Variants in TGM1 observed in about 807,000 individuals in gnomAD.
TGM1 encodes protein-glutamine gamma-glutamyltransferase K.
TGM1 carries 63 observed loss-of-function variants against 88.7 expected under a neutral mutation model. The ratio of observed to expected loss-of-function variants is 0.71; its 90% CI spans 0.58 to 0.88. The LOEUF (loss-of-function observed/expected upper bound fraction) is 0.88, where lower values mean the gene tolerates loss of function less well. Ranked by LOEUF, TGM1 falls within the 40% of genes least tolerant of loss-of-function variation. The pLI, the probability that TGM1 is intolerant of heterozygous loss-of-function variation, is 0.00. For missense variants in TGM1, 996 were observed against 1,118.0 expected (o/e 0.89, Z 1.56); for synonymous variants, 415 against 431.1 (o/e 0.96, Z 0.46).
chr14:24,261,031 C>T (rs2748517), intron 3 of TGM1, among the ~76,000 whole-genome samples: 4 of 152,170 alleles, frequency 2.6e-5, no homozygotes, highest in Non-Finnish European at 5.9e-5. Context: ...CCACCTGCCC[C>T]GTATGAAAGG....
intron 3 of TGM1, among the ~76,000 whole-genome samples, chr14:24,261,427 G>A (rs1213188991): frequency 6.6e-6 from 1 of 152,168 alleles, no homozygotes; most frequent in Admixed American, 6.5e-5. Flanking sequence ...CAGCAATGCC[G>A]AAGGAGGCAC....
chr14:24,250,179 T>TGTGTGTGTGTGTGTGTGAGA lies in TGM1; in HGVS notation c.2226-639_2226-638insTCTCACACACACACACACAC, dbSNP rs138497842. 8.7e-4 allele frequency among the ~76,000 whole-genome samples: 122 copies of TGTGTGTGTGTGTGTGTGAGA among 140,796 alleles called. No homozygotes were observed. In the East Asian group the frequency reaches 0.021, roughly 24 times the overall value. 92.4% of individuals were successfully genotyped at this position (140,796 alleles called of 152,430 possible). ...GTGTGTGTGTGTGTGTGTGTGTGTGTGAGAGAGACAGAGAGGTGGGTGGAC... is the reference window on the plus strand; with the variant it reads ...GTGTGTGTGTGTGTGTGTGTGTGTGTGTGTGTGTGTGTGTGTGAGAGAGAGAGACAGAGAGGTGGGTGGAC... On this transcript the variant is annotated intron_variant, in intron 14 of 14. Coordinates refer to ENST00000206765, the MANE Select transcript of TGM1 (RefSeq NM_000359.3).
chr14:24,251,334 A>C (rs1380983154), intron 14 of TGM1, among the ~76,000 whole-genome samples: 1 of 152,226 alleles, frequency 6.6e-6, no homozygotes. Flanking sequence ...TCAAGCTCAG[A>C]CCAGCCCTCA....
In TGM1 at chr14:24,255,256, G is replaced by A; in HGVS notation, c.1646-3C>T. ...TGCCTTCCGCTCTGCGTCTGAGCCTGGGGGTTGAGGGTCAAGGGTGAGGTT... is the reference window on the plus strand; with the variant it reads ...TGCCTTCCGCTCTGCGTCTGAGCCTAGGGGTTGAGGGTCAAGGGTGAGGTT... On this transcript the variant is annotated splice_region_variant and splice_polypyrimidine_tract_variant and intron_variant, in intron 11 of 14. Transcript: ENST00000206765. This position sits in a 1 kb window ranked among gnomAD's most constrained non-coding sequence, Gnocchi z 4.0. 6.2e-7 allele frequency: 1 copy of A among 1,613,808 alleles called. No individual in the cohort carries two copies.
At chr14:24,250,772 A>G (rs1392116668) in intron 14 of TGM1, among the ~76,000 whole-genome samples, 1 of 152,152 alleles carries the variant, frequency 6.6e-6, no homozygotes, top group Non-Finnish European at 1.5e-5. Context: ...TATACACTGA[A>G]CATGACTGCA....
chr14:24,255,373 G>A lies in TGM1; in HGVS notation c.1636C>T (p.His546Tyr), dbSNP rs771840484. Residue 546 changes from histidine (H) to tyrosine (Y), a missense_variant, in exon 11 of 15, where the codon CAC becomes TAC. Transcript: ENST00000206765. The surrounding 1 kb of genome is among the most constrained non-coding windows in gnomAD (Gnocchi z 4.0). Reference sequence around the variant, plus strand: ...GTTGGGGGAATGGTACCTTCTGGGTGCTTATAGAGGTAGGTGATGTCCTCC... The same window carrying A: ...GTTGGGGGAATGGTACCTTCTGGGTACTTATAGAGGTAGGTGATGTCCTCC... ...MREDITYLYK[H>Y]PEGSDAERKA... 2 of 1,614,210 alleles carry A rather than the reference G, an allele frequency of 1.2e-6. No individual in the cohort carries two copies. The highest frequency in any genetic ancestry group is 1.6e-4 in the Middle Eastern group (1 of 6,062).
At chr14:24,252,832 C>T (rs2139017161) in intron 14 of TGM1, among the ~76,000 whole-genome samples, 1 of 152,312 alleles carries the variant, frequency 6.6e-6, no homozygotes, top group South Asian at 2.1e-4. Flanking sequence ...ATGAAGCCTG[C>T]CCCTGTCCCA....
rs2040731045 is a variant in TGM1, at chr14:24,254,737, TG to T, written c.2014del (p.His672ThrfsTer79). 1 of 1,613,942 alleles carries T rather than the reference TG, an allele frequency of 6.2e-7. No homozygotes were observed. Among genetic ancestry groups the T allele is most frequent in the Admixed American group, 1.7e-5 (1 of 60,008 alleles). ...QGAMLLNVSG[H>X]VKESGQVLAK... is the part of the protein sequence containing the mutation. ...CAGCACCTGCCCGCTCTCCTTGACG[TG>T]GCCTGAGACATTGAGCAGCATGGCC... On this transcript the variant is annotated frameshift_variant, in exon 13 of 15. Transcript: ENST00000206765. LOFTEE classifies it high-confidence loss of function.
intron 9 of TGM1, among the ~76,000 whole-genome samples, chr14:24,256,428 G>C (rs1365078020): frequency 6.6e-6 from 1 of 152,206 alleles, no homozygotes; most frequent in South Asian, 2.1e-4. Flanking sequence ...GCTGACACTG[G>C]ATGTCCACCA....
chr14:24,250,024 C>T (rs796099454), intron 14 of TGM1, among the ~76,000 whole-genome samples: 2 of 152,148 alleles, frequency 1.3e-5, no homozygotes, highest in African/African-American at 4.8e-5. Context: ...GATCGTCGTT[C>T]CAAAGAGAAA....
intron 3 of TGM1, 107 bp from the exon 4 acceptor site, chr14:24,260,805 T>G: frequency 6.9e-7 from 1 of 1,457,254 alleles, no homozygotes. Context: ...CCACTGTGTA[T>G]GTCCCTACGT....
intron 9 of TGM1, 95 bp downstream of exon 9, chr14:24,258,190 C>T (rs2040772439): frequency 2.8e-6 from 3 of 1,061,174 alleles, no homozygotes; most frequent in Non-Finnish European, 4.2e-6. Flanking sequence ...CATGGCTTGG[C>T]TCTCCGGCCC....
chr14:24,255,328 T>C lies in TGM1; in HGVS notation c.1645+36A>G, dbSNP rs1479664828. On this transcript the variant is annotated intron_variant, in intron 11 of 14. Transcript: ENST00000206765. The surrounding 1 kb of genome is among the most constrained non-coding windows in gnomAD (Gnocchi z 4.0). ...AAGCACTTGGCAGGAACACTTGTTG[T>C]GGGGCCCAGAGCTGGCTGGGTTGGG... 4 of 1,614,106 alleles carry C rather than the reference T, an allele frequency of 2.5e-6. No homozygotes were observed. The highest frequency in any genetic ancestry group is 3.4e-6 in the Non-Finnish European group (4 of 1,180,044).
intron 9 of TGM1, among the ~76,000 whole-genome samples, chr14:24,257,372 G>A (rs1300144435): frequency 6.6e-6 from 1 of 152,188 alleles, no homozygotes; most frequent in East Asian, 1.9e-4. Context: ...AGAGTGTATG[G>A]TAGTTCTAAT....
In TGM1 at chr14:24,255,430, T is replaced by A. The variant is rs2040742258; in HGVS notation, c.1579A>T (p.Ile527Phe). The change falls in exon 11 of 15, where the codon ATT (isoleucine) becomes TTT (phenylalanine). Residue 527 changes from isoleucine (I) to phenylalanine (F), a missense_variant. By Grantham distance (21) the Ile-to-Phe change is conservative. Transcript: ENST00000206765. This position sits in a 1 kb window ranked among gnomAD's most constrained non-coding sequence, Gnocchi z 4.0. ...TTGGAGCTGATGGCCTTTGTGACAA[T>A]GAGTGTGCCGATGGCCTTCTCCTCC... ...YVEEKAIGTLIVTKAISSNMR... is the reference protein window; with the variant it reads ...YVEEKAIGTLFVTKAISSNMR... The A allele has an allele frequency of 1.2e-6, 2 of 1,614,026 alleles. No individual in the cohort carries two copies. The highest frequency in any genetic ancestry group is 1.3e-5 in the African/African-American group (1 of 74,896).
intron 14 of TGM1, among the ~76,000 whole-genome samples, chr14:24,251,450 A>G (rs2040700181): frequency 6.6e-6 from 1 of 152,202 alleles, no homozygotes; most frequent in Non-Finnish European, 1.5e-5. Flanking sequence ...CTAGGTGGAA[A>G]TGTCAAGATC....
intron 8 of TGM1, 27 bp downstream of exon 8, chr14:24,258,508 A>G (rs1465778636): frequency 6.2e-7 from 1 of 1,606,772 alleles, no homozygotes; most frequent in African/African-American, 1.3e-5. Context: ...ATTCTTCAGC[A>G]CAGATGGGCA....
rs2040737996 is a variant in TGM1 at position 24,255,125 on chromosome 14, G to A, written c.1774C>T (p.Gln592Ter). 4 of 1,613,962 alleles carry A rather than the reference G, an allele frequency of 2.5e-6. No homozygotes were observed. Among genetic ancestry groups the A allele is most frequent in the Non-Finnish European group, 3.4e-6 (4 of 1,180,040 alleles). ...QVEAQDAVMG[Q>*]DLMVSVMLIN... ...AGCATCACAGAGACCATCAGATCCTGCCCCATCACCGCGTCCTGTGCCTCC... is the reference window on the plus strand; with the variant it reads ...AGCATCACAGAGACCATCAGATCCTACCCCATCACCGCGTCCTGTGCCTCC... The change falls in exon 12 of 15, where the codon CAG becomes TAG. Residue 592 changes from glutamine to a stop codon, truncating the protein, a stop_gained. Transcript: ENST00000206765. LOFTEE classifies it high-confidence loss of function. The surrounding 1 kb of genome is among the most constrained non-coding windows in gnomAD (Gnocchi z 4.0).
At chr14:24,260,235 T>C in intron 4 of TGM1, 177 bp from the exon 5 acceptor site, 1 of 962,682 alleles carries the variant, frequency 1.0e-6, no homozygotes, top group Non-Finnish European at 1.6e-6. Flanking sequence ...GGAGATTGGC[T>C]GTAGCCAGGG....
Sources: gnomAD v4.1 joint callset for allele counts (sites outside exome capture counted in the v4.1 genomes callset) on GRCh38, gnomAD v4.1.1 for gene constraint, Gnocchi (gnomAD v3.1) non-coding constraint, MANE v1.5 for transcripts, NCBI Gene and HGNC (gene_info 2026-07-23, HGNC 2026-07-21) for gene names.